Variants in PTPRM observed in about 807,000 individuals in gnomAD.
PTPRM encodes the protein receptor-type tyrosine-protein phosphatase mu.
PTPRM carries 47 observed loss-of-function variants against 186.7 expected under a neutral mutation model. The ratio of observed to expected loss-of-function variants is 0.25; its 90% CI spans 0.20 to 0.32. The LOEUF (loss-of-function observed/expected upper bound fraction) is 0.32, where lower values mean the gene tolerates loss of function less well. Among genes scored for constraint, PTPRM ranks in the 10% least tolerant of loss-of-function variants. The pLI is 1.00. For synonymous variants in PTPRM, 668 were observed against 674.9 expected (o/e 0.99, Z 0.16); for missense variants, 1,494 against 1,865.0 (o/e 0.80, Z 3.66).
At chr18:7,933,495 T>C (rs1461954483) in intron 5 of PTPRM, among the ~76,000 whole-genome samples, 1 of 151,790 alleles carries the variant, frequency 6.6e-6, no homozygotes, top group Non-Finnish European at 1.5e-5. Flanking sequence ...TGACAGAAGC[T>C]ATCCATGGTT....
chr18:7,764,493 CCA>C (rs2041927906), intron 1 of PTPRM, among the ~76,000 whole-genome samples: 1 of 152,110 alleles, frequency 6.6e-6, no homozygotes, highest in South Asian at 2.1e-4. Flanking sequence ...TTTTTTAAAA[CCA>C]CAGATTCATG....
At chr18:7,897,178 A>G (rs2049406716) in intron 3 of PTPRM, among the ~76,000 whole-genome samples, 1 of 152,174 alleles carries the variant, frequency 6.6e-6, no homozygotes, top group Non-Finnish European at 1.5e-5. Context: ...GGAGGCTAGG[A>G]GTGTTTTTGA....
chr18:7,662,992 C>A (rs1313226444), intron 1 of PTPRM, among the ~76,000 whole-genome samples: 1 of 152,158 alleles, frequency 6.6e-6, no homozygotes, highest in Non-Finnish European at 1.5e-5. Context: ...AGTAAGTGTT[C>A]TGAACTTGTT....
intron 7 of PTPRM, among the ~76,000 whole-genome samples, chr18:8,051,904 C>T (rs991368001): frequency 1.3e-5 from 2 of 152,188 alleles, no homozygotes; most frequent in African/African-American, 2.4e-5. Flanking sequence ...ATGGTTATTA[C>T]ATGATACAAT....
At chr18:8,303,485 G>A (rs987221014) in intron 20 of PTPRM, among the ~76,000 whole-genome samples, 2 of 152,148 alleles carry the variant, frequency 1.3e-5, no homozygotes, top group Admixed American at 6.5e-5. Flanking sequence ...GTCTTTGAAC[G>A]AAGGGAACCA....
rs138826387 is a variant in PTPRM, at chr18:8,075,779, G to A, written c.1442-676G>A. On this transcript the variant is annotated intron_variant, in intron 8 of 32. Coordinates refer to ENST00000580170, the MANE Select transcript of PTPRM (RefSeq NM_001105244.2). ...ATCTATATCAACTTCTACTTTGTAT[G>A]TATTTTAATAGATATATTAGTACAG... Among the ~76,000 whole-genome samples, 448 of 152,124 alleles carry A rather than the reference G, an allele frequency of 2.9e-3. 3 individuals are homozygous for A. The highest frequency in any genetic ancestry group is 0.011 in the East Asian group (55 of 5,182).
At chr18:7,947,350 T>C (rs1213660171) in intron 5 of PTPRM, among the ~76,000 whole-genome samples, 1 of 152,132 alleles carries the variant, frequency 6.6e-6, no homozygotes, top group African/African-American at 2.4e-5. Context: ...CTCTGGATGA[T>C]CACTATAGGT....
intron 13 of PTPRM, 78 bp from the exon 14 acceptor site, chr18:8,143,569 A>G (rs2092812585): frequency 2.0e-6 from 3 of 1,469,230 alleles, no homozygotes; most frequent in South Asian, 2.4e-5. Context: ...TGTTAAATGC[A>G]GCGAAATTTT....
chr18:8,381,725 A>G (rs1247914913), intron 29 of PTPRM, among the ~76,000 whole-genome samples: 3 of 152,176 alleles, frequency 2.0e-5, no homozygotes, highest in Non-Finnish European at 4.4e-5. Flanking sequence ...CCAACTCAAA[A>G]TAGAACCAAG....
At chr18:7,770,363 C>T (rs73939364) in intron 1 of PTPRM, among the ~76,000 whole-genome samples, 1,814 of 152,310 alleles carry the variant, frequency 0.012, 35 homozygotes, top group African/African-American at 0.041. Flanking sequence ...ATGCTCACAA[C>T]TCTTCATCTT....
intron 1 of PTPRM, among the ~76,000 whole-genome samples, chr18:7,664,472 A>C (rs543565941): frequency 6.3e-4 from 96 of 152,300 alleles, no homozygotes; most frequent in African/African-American, 2.2e-3. Flanking sequence ...CCACGGCCCT[A>C]AGCTGGAGGA....
intron 11 of PTPRM, among the ~76,000 whole-genome samples, chr18:8,100,172 T>G (rs2091226302): frequency 2.0e-5 from 3 of 152,006 alleles, no homozygotes; most frequent in Admixed American, 1.3e-4. Flanking sequence ...GGAGTCTTAC[T>G]CTGTCACCCA....
intron 1 of PTPRM, among the ~76,000 whole-genome samples, chr18:7,627,887 G>C (rs976442857): frequency 1.6e-4 from 24 of 152,128 alleles, no homozygotes; most frequent in Admixed American, 6.6e-5. Flanking sequence ...AGAGTCAGAA[G>C]GAGTTCCATT....
At chr18:7,988,916 G>A (rs2083115036) in intron 7 of PTPRM, among the ~76,000 whole-genome samples, 1 of 152,114 alleles carries the variant, frequency 6.6e-6, no homozygotes, top group South Asian at 2.1e-4. Context: ...TTTGATACAA[G>A]TTAGATTTAG....
chr18:7,750,530 A>G (rs113527106), intron 1 of PTPRM, among the ~76,000 whole-genome samples: 2,631 of 152,234 alleles, frequency 0.017, 86 homozygotes, highest in African/African-American at 0.059. Flanking sequence ...ATGACTTTTT[A>G]CTGGCTATTA....
At chr18:7,856,864 G>T (rs1343483081) in intron 2 of PTPRM, among the ~76,000 whole-genome samples, 1 of 152,108 alleles carries the variant, frequency 6.6e-6, no homozygotes, top group Non-Finnish European at 1.5e-5. Context: ...AGTATTCCCT[G>T]TGCTGATGCA....
At chr18:7,708,207 G>T (rs899819762) in intron 1 of PTPRM, among the ~76,000 whole-genome samples, 2 of 152,094 alleles carry the variant, frequency 1.3e-5, no homozygotes, top group Non-Finnish European at 2.9e-5. Context: ...ATATCATATT[G>T]AGAGCCTTAA....
intron 14 of PTPRM, among the ~76,000 whole-genome samples, chr18:8,189,385 G>GA (rs2093682605): frequency 1.3e-5 from 2 of 151,720 alleles, no homozygotes; most frequent in African/African-American, 4.8e-5. Flanking sequence ...TGCTACTTCT[G>GA]AGTGGTAAGG....
chr18:8,235,476 T>TTTTTTTTTTTTTTTTTTG (rs1481569126), intron 14 of PTPRM, among the ~76,000 whole-genome samples: 29 of 136,778 alleles, frequency 2.1e-4, no homozygotes, highest in African/African-American at 3.2e-4. Context: ...TTTTTTTTTT[T>TTTTTTTTTTTTTTTTTTG]TTTAGCCTGG....
Sources: allele counts gnomAD v4.1 joint callset (sites outside exome capture counted in the v4.1 genomes callset), GRCh38; gene constraint gnomAD v4.1.1; transcripts MANE v1.5; gene names NCBI Gene and HGNC (gene_info 2026-07-23, HGNC 2026-07-21).